SOBP: variants seen among roughly 807,000 people sequenced by gnomAD.
SOBP encodes the protein sine oculis-binding protein homolog.
A neutral mutation model predicts 53.6 loss-of-function variants in SOBP; 4 were observed. The observed-to-expected ratio is 0.07, with a 90% CI of 0.04 to 0.17. The LOEUF (loss-of-function observed/expected upper bound fraction) is 0.17. Ranked by LOEUF, SOBP falls within the 10% of genes least tolerant of loss-of-function variation. The pLI is 1.00. For synonymous variants in SOBP, 584 were observed against 522.6 expected (o/e 1.12, Z -1.60); for missense variants, 1,088 against 1,204.7 (o/e 0.90, Z 1.43).
chr6:107,629,658 A>T (rs1770617833), intron 5 of SOBP, among the ~76,000 whole-genome samples: 1 of 152,340 alleles, frequency 6.6e-6, no homozygotes, highest in Admixed American at 6.5e-5. Flanking sequence ...GGAGCAAGTG[A>T]TATATGTGCT....
At chr6:107,652,514 G>A (rs1562128698) in intron 6 of SOBP, among the ~76,000 whole-genome samples, 1 of 152,148 alleles carries the variant, frequency 6.6e-6, no homozygotes, top group Non-Finnish European at 1.5e-5. Flanking sequence ...ATCTGCTCCT[G>A]GTAAAGATGC....
chr6:107,595,350 CTTTTTTT>C (rs745477007), intron 5 of SOBP, among the ~76,000 whole-genome samples: 1 of 88,142 alleles, frequency 1.1e-5, no homozygotes, highest in African/African-American at 4.8e-5. Flanking sequence ...GATTTTGATC[CTTTTTTT>C]TTTTTTTTTT....
intron 3 of SOBP, among the ~76,000 whole-genome samples, chr6:107,520,332 A>G (rs904269167): frequency 6.6e-6 from 1 of 152,210 alleles, no homozygotes; most frequent in Admixed American, 6.5e-5. Context: ...GAGGAAACCT[A>G]GAATATCATC....
At chr6:107,647,999 C>A (rs1583309962) in intron 6 of SOBP, among the ~76,000 whole-genome samples, 1 of 152,150 alleles carries the variant, frequency 6.6e-6, no homozygotes, top group Non-Finnish European at 1.5e-5. Flanking sequence ...GGCATTTGTA[C>A]TAATATGAAG....
At chr6:107,503,922 A>G (rs1270505663) in intron 2 of SOBP, 127 bp downstream of exon 2, 1 of 1,158,314 alleles carries the variant, frequency 8.6e-7, no homozygotes, top group African/African-American at 1.5e-5. Flanking sequence ...ATTTAAACAT[A>G]CATCCCCAAT....
intron 4 of SOBP, among the ~76,000 whole-genome samples, chr6:107,554,223 G>T (rs1239599105): frequency 6.6e-6 from 1 of 152,202 alleles, no homozygotes; most frequent in Admixed American, 6.5e-5. Flanking sequence ...CTCCTTCCAG[G>T]ATGTAGGCCT....
At position 107,500,712 on chromosome 6, in the gene SOBP, G is replaced by A. The variant is rs192041168; in HGVS notation, c.97-2945G>A. Among the ~76,000 whole-genome samples the A allele has an allele frequency of 3.6e-3, 513 of 142,970 alleles. 2 individuals carry two copies. The highest frequency in any genetic ancestry group is 0.013 in the African/African-American group (491 of 38,342). 93.8% of individuals were successfully genotyped at this position (142,970 alleles called of 152,430 possible). ...AATTTTTTGTATTTTTATTAGAGAC[G>A]GATGGGGTTTCACCATGTTAGCCAG... is the stretch of plus-strand genomic sequence containing the variant. On this transcript the variant is annotated intron_variant, in intron 1 of 6. Transcript: ENST00000317357.
chr6:107,652,675 G>C (rs773089091), intron 6 of SOBP, among the ~76,000 whole-genome samples: 46 of 152,306 alleles, frequency 3.0e-4, no homozygotes, highest in Admixed American at 1.2e-3. Flanking sequence ...GAAATCCTTT[G>C]TGAAAGGAAG....
intron 3 of SOBP, among the ~76,000 whole-genome samples, chr6:107,526,892 A>G (rs570507358): frequency 5.8e-4 from 88 of 152,242 alleles, no homozygotes; most frequent in Non-Finnish European, 1.1e-3. Flanking sequence ...GTTAAGTACT[A>G]CTCTGTTTAG....
intron 5 of SOBP, among the ~76,000 whole-genome samples, chr6:107,607,345 A>C (rs1383647937): frequency 6.6e-6 from 1 of 152,186 alleles, no homozygotes; most frequent in Non-Finnish European, 1.5e-5. Flanking sequence ...AGCCACCTGG[A>C]ATTTCTGGGA....
At chr6:107,645,626 G>A (rs921381198) in intron 6 of SOBP, among the ~76,000 whole-genome samples, 2 of 152,132 alleles carry the variant, frequency 1.3e-5, no homozygotes, top group East Asian at 3.8e-4. Context: ...AGCAGGGACC[G>A]GGTCCAGTTC....
intron 6 of SOBP, among the ~76,000 whole-genome samples, chr6:107,647,546 G>A (rs1224379902): frequency 6.6e-6 from 1 of 152,208 alleles, no homozygotes; most frequent in Non-Finnish European, 1.5e-5. Context: ...TTCTTCCCTT[G>A]GATGTGTAAT....
chr6:107,596,888 G>A (rs1166506234), intron 5 of SOBP, among the ~76,000 whole-genome samples: 1 of 152,126 alleles, frequency 6.6e-6, no homozygotes, highest in Non-Finnish European at 1.5e-5. Context: ...AAGAGACAAA[G>A]TATATGTAGG....
At chr6:107,566,567 C>G (rs1421930356) in intron 4 of SOBP, among the ~76,000 whole-genome samples, 1 of 152,214 alleles carries the variant, frequency 6.6e-6, no homozygotes, top group African/African-American at 2.4e-5. Flanking sequence ...TCCACCTCTC[C>G]TTCTCTCACG....
chr6:107,568,464 A>G (rs1784978104), intron 4 of SOBP, among the ~76,000 whole-genome samples: 1 of 152,212 alleles, frequency 6.6e-6, no homozygotes, highest in African/African-American at 2.4e-5. Flanking sequence ...CATCACTCCA[A>G]ACTTTTGTGA....
At chr6:107,614,665 C>T (rs1449868345) in intron 5 of SOBP, among the ~76,000 whole-genome samples, 1 of 152,210 alleles carries the variant, frequency 6.6e-6, no homozygotes, top group Non-Finnish European at 1.5e-5. Flanking sequence ...AGCAGCCAAG[C>T]GTATGGCAGC....
intron 5 of SOBP, among the ~76,000 whole-genome samples, chr6:107,624,530 G>A (rs1359465511): frequency 3.9e-5 from 6 of 152,238 alleles, no homozygotes; most frequent in Non-Finnish European, 8.8e-5. Flanking sequence ...CAAACAGTAG[G>A]TAGAAGTGAC....
At chr6:107,557,459 C>T (rs574922462) in intron 4 of SOBP, among the ~76,000 whole-genome samples, 61 of 152,220 alleles carry the variant, frequency 4.0e-4, no homozygotes, top group African/African-American at 1.3e-3. Flanking sequence ...GAAGATATAG[C>T]CATTTGGAAA....
intron 4 of SOBP, among the ~76,000 whole-genome samples, chr6:107,576,034 A>G (rs1785214753): frequency 6.6e-6 from 1 of 152,164 alleles, no homozygotes; most frequent in African/African-American, 2.4e-5. Context: ...GGCTCCTCAG[A>G]GAGGCTCATT....
Sources: gnomAD v4.1 joint callset for allele counts (sites outside exome capture counted in the v4.1 genomes callset) on GRCh38, gnomAD v4.1.1 for gene constraint, MANE v1.5 for transcripts, NCBI Gene and HGNC (gene_info 2026-07-23, HGNC 2026-07-21) for gene names.